Variants in DNAJC7 observed in about 807,000 individuals in gnomAD.
DNAJC7 encodes dnaJ homolog subfamily C member 7.
A neutral mutation model predicts 67.4 loss-of-function variants in DNAJC7; 18 were observed. The ratio of observed to expected loss-of-function variants is 0.27; its 90% CI spans 0.18 to 0.40. The LOEUF is 0.40. Ranked by LOEUF, DNAJC7 falls within the 10% of genes least tolerant of loss-of-function variation. The probability of loss-of-function intolerance (pLI) is 1.00; values close to 1 mark genes in which losing one functional copy is unlikely to be tolerated. For synonymous variants in DNAJC7, 220 were observed against 207.8 expected (o/e 1.06, Z -0.50); for missense variants, 419 against 613.8 (o/e 0.68, Z 3.35).
chr17:41,984,969 A>C (rs374728378), intron 9 of DNAJC7: 1 of 152,292 alleles, frequency 6.6e-6, no homozygotes, highest in Non-Finnish European at 1.5e-5. Flanking sequence ...CTGGGATTAC[A>C]GGCATGTGCC....
At chr17:41,997,336 C>G (rs1226677873) in intron 2 of DNAJC7, 97 bp from the exon 3 acceptor site, 1 of 1,472,458 alleles carries the variant, frequency 6.8e-7, no homozygotes, top group African/African-American at 1.4e-5. Context: ...TGCCCATAAT[C>G]CCAGTACTTT....
In DNAJC7 at chr17:41,997,168, C is replaced by G; in HGVS notation, c.238G>C (p.Glu80Gln). The change falls in exon 3 of 14, where the codon GAA (glutamate) becomes CAA (glutamine). Residue 80 changes from glutamate to glutamine, a missense_variant. Coordinates refer to ENST00000457167, the MANE Select transcript of DNAJC7 (RefSeq NM_003315.4). ...GACTGTTGTGCATCTCCAAGAGCTT[C>G]CCGGAACCTTCCAAGCATCATCAAG... ...ATLMMLGRFR[E>Q]ALGDAQQSVR... 6.2e-7 allele frequency: 1 copy of G among 1,613,992 alleles called. No individual in the cohort carries two copies. Among genetic ancestry groups the G allele is most frequent in the Non-Finnish European group, 8.5e-7 (1 of 1,179,888 alleles).
chr17:41,990,476 A>C, intron 5 of DNAJC7, 94 bp from the exon 6 acceptor site: 8 of 1,037,194 alleles, frequency 7.7e-6, no homozygotes, highest in Non-Finnish European at 1.2e-5. Context: ...CTCAAAACTC[A>C]ATGAGGTCTT....
chr17:42,005,325 C>A (rs1438598356), intron 1 of DNAJC7, among the ~76,000 whole-genome samples: 1 of 152,214 alleles, frequency 6.6e-6, no homozygotes, highest in Non-Finnish European at 1.5e-5. Context: ...ATTAAAACAT[C>A]ATAGTTGACA....
chr17:42,016,329 G>A (rs562597777), intron 1 of DNAJC7: 7 of 152,286 alleles, frequency 4.6e-5, no homozygotes, highest in African/African-American at 1.7e-4. Flanking sequence ...AAATTACCCA[G>A]CCTGAAGACA....
intron 1 of DNAJC7, chr17:42,011,558 C>T (rs1375201694): frequency 6.6e-6 from 1 of 152,220 alleles, no homozygotes; most frequent in Non-Finnish European, 1.5e-5. Flanking sequence ...ATTGAGAATT[C>T]TGTATTCCTA....
Position 41,976,477 on chromosome 17 carries a change from T to C in DNAJC7, c.*256A>G. 2.1e-6 allele frequency: 1 copy of C among 471,420 alleles called. No individual in the cohort carries two copies. Among genetic ancestry groups the C allele is most frequent in the Non-Finnish European group, 3.7e-6 (1 of 271,130 alleles). 29.2% of individuals were successfully genotyped at this position (471,420 alleles called of 1,614,324 possible). On this transcript the variant is annotated 3_prime_UTR_variant, in exon 14 of 14. Coordinates refer to ENST00000457167, the MANE Select transcript of DNAJC7 (RefSeq NM_003315.4). ...TTTTATTCTCTTTTTTTTTTCTTTT[T>C]TAATAAAGTTAAACAGTAAAACAAA...
At chr17:41,991,593 G>A (rs2051511393) in intron 5 of DNAJC7, among the ~76,000 whole-genome samples, 1 of 152,292 alleles carries the variant, frequency 6.6e-6, no homozygotes, top group African/African-American at 2.4e-5. Context: ...AAGAACAGTG[G>A]TTAGCTTAGG....
At chr17:41,992,377 T>A (rs1270125636) in intron 5 of DNAJC7, among the ~76,000 whole-genome samples, 4 of 152,098 alleles carry the variant, frequency 2.6e-5, no homozygotes, top group Admixed American at 1.3e-4. Flanking sequence ...TTTCTCCATG[T>A]TGGTCAGGCT....
chr17:41,991,573 T>C (rs1252184924), intron 5 of DNAJC7, among the ~76,000 whole-genome samples: 1 of 151,932 alleles, frequency 6.6e-6, no homozygotes, highest in African/African-American at 2.4e-5. Flanking sequence ...AGGAAGAAAA[T>C]AGAAGACATA....
intron 11 of DNAJC7, 47 bp from the exon 12 acceptor site, chr17:41,982,054 A>G: frequency 6.3e-7 from 1 of 1,587,148 alleles, no homozygotes; most frequent in Non-Finnish European, 8.5e-7. Flanking sequence ...CAAAGTTTCA[A>G]GAAAACAAAG....
intron 9 of DNAJC7, chr17:41,985,451 G>C (rs1416992209): frequency 2.7e-5 from 4 of 150,628 alleles, no homozygotes; most frequent in Non-Finnish European, 5.9e-5. Flanking sequence ...ATTGATAGCT[G>C]ATAGCCCTGG....
chr17:42,000,284 A>G (rs1294052363), intron 2 of DNAJC7, among the ~76,000 whole-genome samples, 198 bp downstream of exon 2: 1 of 149,286 alleles, frequency 6.7e-6, no homozygotes, highest in African/African-American at 2.5e-5. Flanking sequence ...AGGCCCAGCT[A>G]ATTTTTGTAT....
chr17:41,985,504 T>C (rs1555646633), intron 9 of DNAJC7: 1 of 152,186 alleles, frequency 6.6e-6, no homozygotes, highest in African/African-American at 2.4e-5. Flanking sequence ...ATGAACTTTC[T>C]TTAGGTCTAT....
chr17:41,982,551 A>C, intron 10 of DNAJC7, 150 bp from the exon 11 acceptor site: 1 of 1,022,718 alleles, frequency 9.8e-7, no homozygotes, highest in Non-Finnish European at 1.4e-6. Flanking sequence ...AAAAAAATCT[A>C]CTCGGCCAGG....
chr17:42,007,042 C>A (rs1029127922), intron 1 of DNAJC7, among the ~76,000 whole-genome samples: 47 of 143,296 alleles, frequency 3.3e-4, no homozygotes, highest in African/African-American at 1.2e-3. Context: ...ATGGAGCTTG[C>A]GGTGAGCTGA....
intron 2 of DNAJC7, among the ~76,000 whole-genome samples, chr17:41,998,980 G>A (rs1408107844): frequency 6.6e-6 from 1 of 151,852 alleles, no homozygotes; most frequent in Non-Finnish European, 1.5e-5. Flanking sequence ...GAGCCCAGGA[G>A]TTTGAGACCA....
chr17:42,001,947 T>C (rs2051819177), intron 1 of DNAJC7, among the ~76,000 whole-genome samples: 1 of 152,158 alleles, frequency 6.6e-6, no homozygotes, highest in African/African-American at 2.4e-5. Flanking sequence ...GTGATGGATA[T>C]AAATCTGCTT....
At chr17:42,017,066 T>C in intron 1 of DNAJC7, 2 of 1,377,952 alleles carry the variant, frequency 1.5e-6, no homozygotes, top group South Asian at 3.0e-5. Flanking sequence ...GAAATTGCCC[T>C]CGGAGACTCG....
Sources: gnomAD v4.1 joint callset for allele counts (sites outside exome capture counted in the v4.1 genomes callset) on GRCh38, gnomAD v4.1.1 for gene constraint, MANE v1.5 for transcripts, NCBI Gene and HGNC (gene_info 2026-07-23, HGNC 2026-07-21) for gene names.